The following ASCC3 variants were observed in gnomAD, a reference collection of about 807,000 sequenced individuals.
ASCC3 encodes the protein activating signal cointegrator 1 complex subunit 3.
Under a neutral mutation model 256.3 loss-of-function variants are expected in ASCC3, and 158 were observed. The ratio of observed to expected loss-of-function variants is 0.62; its 90% CI spans 0.54 to 0.70. The LOEUF is 0.70. Ranked by LOEUF, ASCC3 falls within the 30% of genes least tolerant of loss-of-function variation. The probability of loss-of-function intolerance (pLI) is 0.00; values close to 1 mark genes in which losing one functional copy is unlikely to be tolerated. For synonymous variants in ASCC3, 948 were observed against 883.4 expected, an observed-to-expected ratio of 1.07 and a Z score of -1.30; for missense variants, 2,259 against 2,626.0, an observed-to-expected ratio of 0.86 and a Z score of 3.05.
At chr6:100,549,792 A>AT (rs371603817) in intron 36 of ASCC3, among the ~76,000 whole-genome samples, 37 of 152,138 alleles carry the variant, frequency 2.4e-4, no homozygotes, top group Middle Eastern at 3.4e-3. Flanking sequence ...ATGAATAATT[A>AT]TTTTAAGTGA....
At chr6:100,760,006 A>G (rs1781355522) in intron 10 of ASCC3, among the ~76,000 whole-genome samples, 1 of 152,092 alleles carries the variant, frequency 6.6e-6, no homozygotes, top group Non-Finnish European at 1.5e-5. Flanking sequence ...TAATTTTTGT[A>G]TCCTGAGACT....
chr6:100,798,041 C>T (rs1203408272), intron 8 of ASCC3, among the ~76,000 whole-genome samples: 3 of 152,036 alleles, frequency 2.0e-5, no homozygotes, highest in African/African-American at 7.2e-5. Flanking sequence ...CTTTATGATG[C>T]TTTATGCTGC....
At chr6:100,779,412 G>C (rs1478164367) in intron 8 of ASCC3, among the ~76,000 whole-genome samples, 1 of 152,020 alleles carries the variant, frequency 6.6e-6, no homozygotes, top group Non-Finnish European at 1.5e-5. Flanking sequence ...TATTTGTACT[G>C]TGCTTACAAC....
intron 11 of ASCC3, among the ~76,000 whole-genome samples, 160 bp downstream of exon 11, chr6:100,725,379 A>C (rs1287999661): frequency 6.6e-6 from 1 of 151,990 alleles, no homozygotes; most frequent in Non-Finnish European, 1.5e-5. Context: ...GTGAGGTCTA[A>C]AACTAGGGAC....
intron 36 of ASCC3, among the ~76,000 whole-genome samples, chr6:100,570,492 C>T: frequency 6.6e-6 from 1 of 152,088 alleles, no homozygotes; most frequent in Non-Finnish European, 1.5e-5. Context: ...CTTTTTTCCA[C>T]CTGGTTTCCA....
chr6:100,613,070 CTTTT>C (rs529659670), intron 30 of ASCC3, among the ~76,000 whole-genome samples: 1 of 142,648 alleles, frequency 7.0e-6, no homozygotes, highest in African/African-American at 2.6e-5. Context: ...TTCTTTCTTT[CTTTT>C]TTTTTTCAGG....
chr6:100,582,098 A>G (rs1197994868), intron 36 of ASCC3, among the ~76,000 whole-genome samples: 1 of 151,428 alleles, frequency 6.6e-6, no homozygotes, highest in African/African-American at 2.4e-5. Flanking sequence ...TGAACTTTAA[A>G]GTAGTTTTTT....
At chr6:100,524,876 AG>A (rs1380874133) in intron 37 of ASCC3, among the ~76,000 whole-genome samples, 1 of 151,922 alleles carries the variant, frequency 6.6e-6, no homozygotes, top group Non-Finnish European at 1.5e-5. Flanking sequence ...GTGTTAGTAT[AG>A]GGATTACAAT....
intron 10 of ASCC3, among the ~76,000 whole-genome samples, chr6:100,729,094 G>T (rs550961236): frequency 6.6e-6 from 1 of 152,218 alleles, no homozygotes; most frequent in African/African-American, 2.4e-5. Context: ...TACAACTATG[G>T]ATGTCTGAAC....
chr6:100,590,053 G>A lies in ASCC3; in HGVS notation c.5310C>T (p.Tyr1770=). The A allele has an allele frequency of 6.2e-7, 1 of 1,608,110 alleles. No individual in the cohort carries two copies. Among genetic ancestry groups the A allele is most frequent in the Non-Finnish European group, 8.5e-7 (1 of 1,174,790 alleles). The change falls in exon 35 of 42, where the codon TAC becomes TAT. Residue 1770 remains tyrosine (Y), a synonymous_variant. Coordinates refer to ENST00000369162, the MANE Select transcript of ASCC3 (RefSeq NM_006828.4). The part of the protein sequence containing the change: ...FRRLIMNPSY[Y]NLGDVSHDSV... Reference sequence around the variant, plus strand: ...AATCATGGCTCACATCACCCAAATTGTAATAGCTAGAAAACAAGCAAGGTT... The same window carrying A: ...AATCATGGCTCACATCACCCAAATTATAATAGCTAGAAAACAAGCAAGGTT...
chr6:100,641,651 A>T (rs899857073), intron 24 of ASCC3, among the ~76,000 whole-genome samples: 4 of 152,204 alleles, frequency 2.6e-5, no homozygotes, highest in Non-Finnish European at 5.9e-5. Context: ...TGACCCAGCC[A>T]TCCCATTACT....
At chr6:100,830,846 G>A (rs1771586226) in intron 4 of ASCC3, among the ~76,000 whole-genome samples, 1 of 151,892 alleles carries the variant, frequency 6.6e-6, no homozygotes, top group Non-Finnish European at 1.5e-5. Flanking sequence ...CTAAAAACGG[G>A]GTTAAAGTTA....
chr6:100,674,786 A>T (rs1418968411), intron 14 of ASCC3, among the ~76,000 whole-genome samples: 1 of 151,858 alleles, frequency 6.6e-6, no homozygotes, highest in East Asian at 1.9e-4. Flanking sequence ...GGCGTATGCC[A>T]CCATGCATGG....
chr6:100,680,924 T>C (rs1777270426), intron 13 of ASCC3, among the ~76,000 whole-genome samples: 1 of 152,192 alleles, frequency 6.6e-6, no homozygotes, highest in African/African-American at 2.4e-5. Flanking sequence ...TAGGCTCATG[T>C]GAGCTGACCT....
intron 8 of ASCC3, among the ~76,000 whole-genome samples, chr6:100,790,361 T>C (rs1336065005): frequency 6.6e-6 from 1 of 151,988 alleles, no homozygotes; most frequent in Non-Finnish European, 1.5e-5. Flanking sequence ...GCCAGGATCA[T>C]AGTTCTAAAC....
intron 4 of ASCC3, among the ~76,000 whole-genome samples, chr6:100,843,682 A>C (rs1055838253): frequency 1.3e-5 from 2 of 152,140 alleles, no homozygotes; most frequent in African/African-American, 4.8e-5. Flanking sequence ...TATTAATATC[A>C]GAACTCACTT....
chr6:100,865,248 A>G (rs1223629653), intron 2 of ASCC3, among the ~76,000 whole-genome samples: 1 of 152,206 alleles, frequency 6.6e-6, no homozygotes, highest in Non-Finnish European at 1.5e-5. Context: ...AGCTTCTGAC[A>G]TAAAAAGTTA....
chr6:100,727,490 T>C (rs1210737450), intron 10 of ASCC3, among the ~76,000 whole-genome samples: 2 of 151,716 alleles, frequency 1.3e-5, no homozygotes, highest in East Asian at 3.9e-4. Context: ...AATTACTAGA[T>C]TGAATTAATC....
chr6:100,771,383 A>G (rs1781911167), intron 8 of ASCC3, among the ~76,000 whole-genome samples: 1 of 152,188 alleles, frequency 6.6e-6, no homozygotes, highest in Non-Finnish European at 1.5e-5. Context: ...GATTTCTTAA[A>G]TAAAATAAAA....
Sources: allele counts gnomAD v4.1 joint callset (sites outside exome capture counted in the v4.1 genomes callset), GRCh38; gene constraint gnomAD v4.1.1; transcripts MANE v1.5; gene names NCBI Gene and HGNC (gene_info 2026-07-23, HGNC 2026-07-21).